SLC5A5: variants seen among roughly 807,000 people sequenced by gnomAD.
SLC5A5 encodes solute carrier family 5 member 5.
Under a neutral mutation model 68.6 loss-of-function variants are expected in SLC5A5, and 56 were observed. The observed-to-expected ratio is 0.82, with a 90% CI of 0.66 to 1.02. The LOEUF is 1.02. Among genes scored for constraint, SLC5A5 ranks in the 50% least tolerant of loss-of-function variants. The pLI, the probability that SLC5A5 is intolerant of heterozygous loss-of-function variation, is 0.00. For synonymous variants in SLC5A5, 398 were observed against 373.0 expected (o/e 1.07, Z -0.77); for missense variants, 807 against 859.8 (o/e 0.94, Z 0.77).
chr19:17,888,455 G>C lies in SLC5A5; in HGVS notation c.1651G>C (p.Gly551Arg), dbSNP rs761460469. 6.2e-7 allele frequency: 1 copy of C among 1,613,674 alleles called. No individual in the cohort carries two copies. The highest frequency in any genetic ancestry group is 1.1e-5 in the South Asian group (1 of 91,072). The change falls in exon 13 of 15, where the codon GGC becomes CGC. Residue 551 changes from glycine (G) to arginine (R), a missense_variant and splice_region_variant. Coordinates refer to ENST00000222248, the MANE Select transcript of SLC5A5 (RefSeq NM_000453.3). ...CGGAGCCCTCATCAGCTGCCTGACA[G>C]GTAGGTAAACAGAGCATGTGGCCTC... ...LCGALISCLT[G>R]PTKRSTLAPG...
rs946841204 is a variant in SLC5A5, at chr19:17,894,530, T to A, written c.*653T>A. On this transcript the variant is annotated 3_prime_UTR_variant, in exon 15 of 15. Transcript: ENST00000222248. ...TTGTATTTTTGTAGAGACGGGGTTT[T>A]GCCATGTTGGCCAGGCTGGTCTCAA... 1 of 152,218 alleles carries A rather than the reference T, an allele frequency of 6.6e-6. No homozygotes were observed. Among genetic ancestry groups the A allele is most frequent in the Non-Finnish European group, 1.5e-5 (1 of 68,310 alleles). The allele number at this position is 152,218 out of a possible 1,614,324, so 9.4% of individuals were successfully genotyped here. A position where few individuals can be genotyped will look rare whatever the true frequency, so the allele number is the denominator to read the frequency against.
intron 7 of SLC5A5, among the ~76,000 whole-genome samples, chr19:17,879,582 C>A (rs1022811949): frequency 2.0e-5 from 3 of 152,130 alleles, no homozygotes; most frequent in Non-Finnish European, 4.4e-5. Context: ...GGGGCGGTGC[C>A]AGGACCCATG....
rs764321131 is a variant in SLC5A5 at position 17,875,987 on chromosome 19, C to G, written c.579C>G (p.Phe193Leu). The G allele has an allele frequency of 1.9e-6, 3 of 1,614,150 alleles. No individual in the cohort carries two copies. The highest frequency in any genetic ancestry group is 2.5e-6 in the Non-Finnish European group (3 of 1,180,028). The stretch of plus-strand genomic sequence containing the variant: ...AGGCTGTGGTCTGGACTGATGTGTT[C>G]CAGGTCGTGGTGATGCTAAGTGGCT... ...GMKAVVWTDV[F>L]QVVVMLSGFW... Residue 193 changes from phenylalanine (F) to leucine (L), a missense_variant, in exon 5 of 15, where the codon TTC becomes TTG. Coordinates refer to ENST00000222248, the MANE Select transcript of SLC5A5 (RefSeq NM_000453.3).
At chr19:17,888,565 C>CTG (rs2030019413) in intron 13 of SLC5A5, 110 bp downstream of exon 13, 1 of 897,700 alleles carries the variant, frequency 1.1e-6, no homozygotes, top group African/African-American at 1.6e-5. Flanking sequence ...CAAACTGCCA[C>CTG]TGTGTGCTGT....
chr19:17,883,925 A>G lies in SLC5A5; in HGVS notation c.1405A>G (p.Ser469Gly). ...CTTGGGCGCCACGCTGTACCCACCC[A>G]GCGAGCAGACCATGAGGGTCCTGCC... ...VALGATLYPP[S>G]EQTMRVLPSS... The change falls in exon 12 of 15, where the codon AGC becomes GGC. Residue 469 changes from serine to glycine, a missense_variant. Ser to Gly is a moderately conservative substitution (Grantham distance 56). Coordinates refer to ENST00000222248, the MANE Select transcript of SLC5A5 (RefSeq NM_000453.3). The G allele has an allele frequency of 6.4e-7, 1 of 1,564,642 alleles. No individual in the cohort carries two copies. Among genetic ancestry groups the G allele is most frequent in the Non-Finnish European group, 8.6e-7 (1 of 1,156,120 alleles).
At chr19:17,876,183 A>G in intron 5 of SLC5A5, 77 bp downstream of exon 5, 2 of 1,499,818 alleles carry the variant, frequency 1.3e-6, no homozygotes, top group Non-Finnish European at 1.8e-6. Context: ...TAATCCCAGC[A>G]CTTTGGGAGG....
chr19:17,884,523 G>A (rs894677146), intron 12 of SLC5A5, among the ~76,000 whole-genome samples: 6 of 151,722 alleles, frequency 4.0e-5, no homozygotes, highest in Non-Finnish European at 5.9e-5. Flanking sequence ...TGTAATCCCA[G>A]CACTTTGGGA....
chr19:17,879,814 G>A (rs1037724250), intron 7 of SLC5A5, among the ~76,000 whole-genome samples: 1 of 152,172 alleles, frequency 6.6e-6, no homozygotes, highest in African/African-American at 2.4e-5. Flanking sequence ...AGAACACAGT[G>A]GGGCTCAGGG....
chr19:17,893,684 T>C, intron 14 of SLC5A5, 29 bp from the exon 15 acceptor site: 3 of 1,611,028 alleles, frequency 1.9e-6, no homozygotes, highest in Non-Finnish European at 2.5e-6. Flanking sequence ...GGGTCTCTGA[T>C]GGGGTCTCTT....
chr19:17,894,137 C>A lies in SLC5A5; in HGVS notation c.*260C>A. ...CCCCCAAATAAGGCTGGGTTTTTCT[C>A]TCTCTCTTTTTTTTTTTTTTTTTTT... is the stretch of plus-strand genomic sequence containing the variant. On this transcript the variant is annotated 3_prime_UTR_variant, in exon 15 of 15. Transcript: ENST00000222248. 2 of 415,740 alleles carry A rather than the reference C, an allele frequency of 4.8e-6. No individual in the cohort carries two copies. The highest frequency in any genetic ancestry group is 8.7e-6 in the Non-Finnish European group (2 of 230,820). 25.8% of individuals were successfully genotyped at this position (415,740 alleles called of 1,614,324 possible).
At chr19:17,885,327 G>GTTTGTTTATTTATTTA (rs1555754132) in intron 12 of SLC5A5, among the ~76,000 whole-genome samples, 4 of 151,428 alleles carry the variant, frequency 2.6e-5, no homozygotes, top group African/African-American at 9.7e-5. Flanking sequence ...TTTCTGTTTT[G>GTTTGTTTATTTATTTA]TTTATTTATT....
Position 17,872,484 on chromosome 19 carries a change from G to T in SLC5A5, c.165G>T (p.Ala55=). 6.2e-7 allele frequency: 1 copy of T among 1,611,804 alleles called. No homozygotes were observed. Among genetic ancestry groups the T allele is most frequent in the South Asian group, 1.1e-5 (1 of 90,944 alleles). ...EDFFTGGRRL[A]ALPVGLSLSA... ...TCTTCACCGGGGGCCGGCGCCTGGC[G>T]GCCCTGCCCGTGGGCCTGTCGCTGT... Residue 55 remains alanine (A), a synonymous_variant, in exon 1 of 15, where the codon GCG becomes GCT. Transcript: ENST00000222248.
intron 14 of SLC5A5, among the ~76,000 whole-genome samples, chr19:17,891,716 C>A (rs1185776898): frequency 6.6e-6 from 1 of 152,130 alleles, no homozygotes; most frequent in African/African-American, 2.4e-5. Flanking sequence ...ACATAAGAAA[C>A]ACAACAGATG....
chr19:17,888,930 T>C (rs951742472), intron 13 of SLC5A5, among the ~76,000 whole-genome samples: 1 of 150,322 alleles, frequency 6.7e-6, no homozygotes, highest in South Asian at 2.1e-4. Context: ...CTGTACCTAT[T>C]TTTTTAAAAG....
chr19:17,886,766 T>G (rs2029939088), intron 12 of SLC5A5, among the ~76,000 whole-genome samples: 1 of 152,196 alleles, frequency 6.6e-6, no homozygotes. Flanking sequence ...CTCACTGTGG[T>G]TTTGATTTGC....
chr19:17,890,486 G>T (rs1004246665), intron 13 of SLC5A5, among the ~76,000 whole-genome samples: 4 of 152,060 alleles, frequency 2.6e-5, no homozygotes. Flanking sequence ...CGACCTCTTG[G>T]GCTCAAGCAA....
chr19:17,887,116 T>A (rs2029949631), intron 12 of SLC5A5, among the ~76,000 whole-genome samples: 1 of 152,098 alleles, frequency 6.6e-6, no homozygotes, highest in Admixed American at 6.6e-5. Context: ...CCTTTGCCCA[T>A]TTTTAAATTG....
At chr19:17,877,575 T>G in intron 5 of SLC5A5, 148 bp from the exon 6 acceptor site, 1 of 1,000,730 alleles carries the variant, frequency 1.0e-6, no homozygotes, top group Non-Finnish European at 1.5e-6. Flanking sequence ...CCCAAAGTGC[T>G]GGGATTACAG....
intron 12 of SLC5A5, among the ~76,000 whole-genome samples, chr19:17,885,121 C>T (rs1308767306): frequency 4.6e-5 from 7 of 151,576 alleles, no homozygotes; most frequent in East Asian, 1.9e-4. Flanking sequence ...ATCTTCCTAC[C>T]TCAGCCCCCC....
Sources: gnomAD v4.1 joint callset for allele counts (sites outside exome capture counted in the v4.1 genomes callset) on GRCh38, gnomAD v4.1.1 for gene constraint, MANE v1.5 for transcripts, NCBI Gene and HGNC (gene_info 2026-07-23, HGNC 2026-07-21) for gene names.